Variants in NAALADL2 observed in about 807,000 individuals in gnomAD.
NAALADL2 encodes the protein inactive N-acetylated-alpha-linked acidic dipeptidase-like protein 2.
A neutral mutation model predicts 87.2 loss-of-function variants in NAALADL2; 76 were observed. The ratio of observed to expected loss-of-function variants is 0.87; its 90% CI spans 0.72 to 1.05. The LOEUF is 1.05. Ranked by LOEUF, NAALADL2 falls within the 50% of genes least tolerant of loss-of-function variation. The pLI is 0.00. For synonymous variants in NAALADL2, 354 were observed against 331.0 expected, an observed-to-expected ratio of 1.07 and a Z score of -0.75; for missense variants, 1,089 against 945.8, an observed-to-expected ratio of 1.15 and a Z score of -1.99.
chr3:175,288,401 T>C (rs6443301), intron 4 of NAALADL2, among the ~76,000 whole-genome samples: 103,026 of 152,098 alleles, frequency 0.68, 35,758 homozygotes, highest in African/African-American at 0.82. Flanking sequence ...CATACCCAGA[T>C]TGATGTTTAA....
chr3:174,908,353 AC>A (rs1347543299), intron 1 of NAALADL2, among the ~76,000 whole-genome samples: 1 of 152,062 alleles, frequency 6.6e-6, no homozygotes, highest in Non-Finnish European at 1.5e-5. Flanking sequence ...GGAAAGTGGG[AC>A]AAAGGAAATC....
intron 1 of NAALADL2, among the ~76,000 whole-genome samples, chr3:174,511,378 C>G (rs1719592368): frequency 6.6e-6 from 1 of 151,924 alleles, no homozygotes; most frequent in Non-Finnish European, 1.5e-5. Context: ...ATTATGTTCT[C>G]CTGATGAATT....
intron 1 of NAALADL2, among the ~76,000 whole-genome samples, chr3:175,034,153 A>G (rs1431910898): frequency 1.3e-5 from 2 of 152,214 alleles, no homozygotes; most frequent in African/African-American, 4.8e-5. Context: ...ATCTGATTCA[A>G]TCTTGCTGTC....
chr3:174,486,223 G>A (rs1156740149), intron 1 of NAALADL2, among the ~76,000 whole-genome samples: 3 of 152,062 alleles, frequency 2.0e-5, no homozygotes, highest in African/African-American at 4.8e-5. Flanking sequence ...TCAGAGGTTA[G>A]GCTCTGGTTA....
intron 2 of NAALADL2, among the ~76,000 whole-genome samples, chr3:174,632,456 C>T (rs1464168195): frequency 6.6e-6 from 1 of 151,862 alleles, no homozygotes; most frequent in Non-Finnish European, 1.5e-5. Flanking sequence ...TTAATAAATT[C>T]TATAAAAGCA....
chr3:174,587,398 G>C (rs951767114), intron 2 of NAALADL2, among the ~76,000 whole-genome samples: 2 of 152,106 alleles, frequency 1.3e-5, no homozygotes, highest in Admixed American at 6.6e-5. Context: ...ATTGTTATGT[G>C]TGAATTTGAT....
rs142520116 is a variant in NAALADL2 at position 175,518,826 on chromosome 3, A to G, written c.1653+47068A>G. Among the ~76,000 whole-genome samples, 461 of 152,358 alleles carry G rather than the reference A, an allele frequency of 3.0e-3. 3 individuals carry two copies. The highest frequency in any genetic ancestry group is 9.7e-3 in the African/African-American group (405 of 41,592). On this transcript the variant is annotated intron_variant, in intron 9 of 13. Coordinates refer to ENST00000454872, the MANE Select transcript of NAALADL2 (RefSeq NM_207015.3). ...TCTCAATACTGCCACAGTGGGGATT[A>G]AGTTTCGTAGATCAAAAAATCAACT... is the stretch of plus-strand genomic sequence containing the variant.
chr3:175,685,449 GGTGTGTGTGTGTGTGTGTGTGTGT>G (rs59449046), intron 11 of NAALADL2, among the ~76,000 whole-genome samples: 6 of 144,586 alleles, frequency 4.1e-5, no homozygotes, highest in African/African-American at 1.3e-4. Context: ...ACCAACAGGA[GGTGTGTGTGTGTGTGTGTGTGTGT>G]GTGTGTGTGT....
intron 3 of NAALADL2, among the ~76,000 whole-genome samples, chr3:174,839,803 C>A (rs528060056): frequency 6.6e-6 from 1 of 151,678 alleles, no homozygotes; most frequent in African/African-American, 2.4e-5. Flanking sequence ...GTGATACCAC[C>A]TTACTCCTGA....
At position 174,790,837 on chromosome 3, in the gene NAALADL2, G is replaced by T. The variant is rs113178789; in HGVS notation, c.-9+53091G>T. Among the ~76,000 whole-genome samples, 1,098 of 152,000 alleles carry T rather than the reference G, an allele frequency of 7.2e-3. 13 individuals carry two copies. Among genetic ancestry groups the T allele is most frequent in the African/African-American group, 0.025 (1,051 of 41,498 alleles). On this transcript the variant is annotated intron_variant, in intron 3 of 3. Transcript: ENST00000434257. Reference sequence around the variant, plus strand: ...TTTATTTTAAAACCAAGATTATATTGTCTTATTATTATTTACTATAGTTTT... The same window carrying T: ...TTTATTTTAAAACCAAGATTATATTTTCTTATTATTATTTACTATAGTTTT...
chr3:175,091,365 C>T (rs1446320029), intron 1 of NAALADL2, among the ~76,000 whole-genome samples: 3 of 151,964 alleles, frequency 2.0e-5, no homozygotes, highest in African/African-American at 7.2e-5. Flanking sequence ...ACATTGAAAG[C>T]TTCAGGAAAC....
chr3:175,796,772 TG>T (rs759247555), intron 13 of NAALADL2, among the ~76,000 whole-genome samples: 5 of 152,214 alleles, frequency 3.3e-5, no homozygotes, highest in Non-Finnish European at 7.3e-5. Flanking sequence ...TTTCTCAACA[TG>T]GGGTATAATG....
At chr3:175,437,674 G>A (rs1020539938) in intron 5 of NAALADL2, among the ~76,000 whole-genome samples, 6 of 150,936 alleles carry the variant, frequency 4.0e-5, no homozygotes, top group African/African-American at 1.5e-4. Flanking sequence ...CAAAGCTGGA[G>A]GCATCACACT....
intron 1 of NAALADL2, among the ~76,000 whole-genome samples, chr3:175,063,604 G>A (rs546762488): frequency 6.6e-6 from 1 of 152,182 alleles, no homozygotes; most frequent in Non-Finnish European, 1.5e-5. Context: ...AGCCTCCCCA[G>A]TAGTTGAGGC....
intron 2 of NAALADL2, among the ~76,000 whole-genome samples, chr3:174,576,824 G>T (rs1217707137): frequency 1.3e-5 from 2 of 152,046 alleles, no homozygotes; most frequent in African/African-American, 4.8e-5. Flanking sequence ...CATTTCATTG[G>T]TATGCCATTT....
At chr3:175,087,088 T>A (rs1342768116) in intron 1 of NAALADL2, among the ~76,000 whole-genome samples, 1 of 152,232 alleles carries the variant, frequency 6.6e-6, no homozygotes, top group Non-Finnish European at 1.5e-5. Context: ...TCCTTGTTTA[T>A]CTTGAGACAT....
chr3:175,093,504 T>C (rs1335290429), intron 1 of NAALADL2, among the ~76,000 whole-genome samples: 1 of 147,722 alleles, frequency 6.8e-6, no homozygotes, highest in Non-Finnish European at 1.5e-5. Context: ...TCTATACTAT[T>C]TTTAAGCTAA....
intron 11 of NAALADL2, among the ~76,000 whole-genome samples, chr3:175,700,429 G>T (rs1006993978): frequency 1.3e-5 from 2 of 152,056 alleles, no homozygotes; most frequent in Non-Finnish European, 2.9e-5. Flanking sequence ...AAAAGACAGA[G>T]GTGTTCTGTT....
rs991400875 is a variant in NAALADL2 at position 175,292,154 on chromosome 3, T to C, written c.940-32021T>C. ...TTGGTGCGTTTGTCATTTGAGTAAATGCACCAGGCATCAGTCTGTTGACTG... is the reference window on the plus strand; with the variant it reads ...TTGGTGCGTTTGTCATTTGAGTAAACGCACCAGGCATCAGTCTGTTGACTG... On this transcript the variant is annotated intron_variant, in intron 4 of 13. Transcript: ENST00000454872. 4.6e-5 allele frequency among the ~76,000 whole-genome samples: 7 copies of C among 152,198 alleles called. No homozygotes were observed. In the East Asian group the frequency reaches 1.3e-3, roughly 29 times the overall value.
Sources: gnomAD v4.1 joint callset for allele counts (sites outside exome capture counted in the v4.1 genomes callset) on GRCh38, gnomAD v4.1.1 for gene constraint, MANE v1.5 for transcripts, NCBI Gene and HGNC (gene_info 2026-07-23, HGNC 2026-07-21) for gene names.